LEPR: variants seen among roughly 807,000 people sequenced by gnomAD.
LEPR encodes the protein leptin receptor.
Under a neutral mutation model 114.7 loss-of-function variants are expected in LEPR, and 56 were observed. The ratio of observed to expected loss-of-function variants is 0.49; its 90% confidence interval spans 0.39 to 0.61. The LOEUF (loss-of-function observed/expected upper bound fraction) is 0.61. Among genes scored for constraint, LEPR ranks in the 20% least tolerant of loss-of-function variants. LEPR has a pLI of 0.00. For synonymous variants in LEPR, 443 were observed against 461.4 expected, an observed-to-expected ratio of 0.96 and a Z score of 0.51; for missense variants, 1,202 against 1,352.9, an observed-to-expected ratio of 0.89 and a Z score of 1.75.
chr1:65,580,314 A>G (rs925188217), intron 5 of LEPR, among the ~76,000 whole-genome samples: 2 of 152,242 alleles, frequency 1.3e-5, no homozygotes, highest in African/African-American at 2.4e-5. Flanking sequence ...GAGAAAATCC[A>G]TAATGGTGAT....
intron 6 of LEPR, among the ~76,000 whole-genome samples, chr1:65,595,584 A>G (rs867871777): frequency 5.9e-5 from 9 of 152,258 alleles, no homozygotes; most frequent in Admixed American, 1.3e-4. Flanking sequence ...GATTTTGACT[A>G]AAAGAGGAAA....
intron 15 of LEPR, 60 bp from the exon 16 acceptor site, chr1:65,617,904 G>A: frequency 1.3e-6 from 2 of 1,502,036 alleles, no homozygotes; most frequent in Admixed American, 1.9e-5. Context: ...TTCCTCAAGA[G>A]TATTAGTAGA....
Position 65,570,766 on chromosome 1 carries a change from G to T in LEPR, c.334G>T (p.Val112Phe). The change falls in exon 4 of 20, where the codon GTT (valine) becomes TTT (phenylalanine). Residue 112 changes from valine (V) to phenylalanine (F), a missense_variant. Val to Phe is a conservative substitution (Grantham distance 50). Transcript: ENST00000349533. ...CADNIEGKTFVSTVNSLVFQQ... is the reference protein window; with the variant it reads ...CADNIEGKTFFSTVNSLVFQQ... ...AGACAACATTGAAGGAAAGACATTT[G>T]TTTCAACAGTAAATTCTTTAGTTTT... 1 of 1,572,856 alleles carries T rather than the reference G, an allele frequency of 6.4e-7. No individual in the cohort carries two copies. The highest frequency in any genetic ancestry group is 1.8e-5 in the Admixed American group (1 of 54,270).
At chr1:65,608,318 C>A (rs905126906) in intron 11 of LEPR, among the ~76,000 whole-genome samples, 2 of 151,764 alleles carry the variant, frequency 1.3e-5, no homozygotes, top group African/African-American at 4.8e-5. Flanking sequence ...GCAAGCTTCA[C>A]CTCCCGGGTT....
intron 2 of LEPR, among the ~76,000 whole-genome samples, chr1:65,454,379 G>A (rs1646836626): frequency 1.3e-5 from 2 of 152,090 alleles, no homozygotes; most frequent in East Asian, 1.9e-4. Context: ...TCGTAGTCTC[G>A]ATGGTCTTTA....
intron 2 of LEPR, among the ~76,000 whole-genome samples, chr1:65,545,123 A>G (rs866340845): frequency 0.027 from 4,039 of 149,990 alleles, 149 homozygotes; most frequent in African/African-American, 0.095. Context: ...ATGTCCCTAC[A>G]AAGGACATGA....
At chr1:65,425,267 T>C (rs1646338246) in intron 1 of LEPR, 36 bp from the exon 2 acceptor site, 1 of 1,594,154 alleles carries the variant, frequency 6.3e-7, no homozygotes, top group Non-Finnish European at 8.6e-7. Context: ...CAACCTCTAC[T>C]GTGGGAACTT....
intron 2 of LEPR, among the ~76,000 whole-genome samples, chr1:65,495,271 A>T (rs1336811007): frequency 6.6e-6 from 1 of 152,188 alleles, no homozygotes; most frequent in Non-Finnish European, 1.5e-5. Context: ...AAGAAGATGT[A>T]CAGATGGCCA....
chr1:65,426,103 G>A (rs538912903), intron 2 of LEPR, among the ~76,000 whole-genome samples: 12 of 135,010 alleles, frequency 8.9e-5, no homozygotes, highest in African/African-American at 4.5e-4. Context: ...TGGGAAGACA[G>A]TGGTCAGGGA....
At chr1:65,623,335 A>T (rs571014967) in intron 19 of LEPR, 1 of 165,740 alleles carries the variant, frequency 6.0e-6, no homozygotes, top group African/African-American at 2.4e-5. Context: ...AAAAGGCTGG[A>T]ATCAATATTT....
chr1:65,489,591 CT>C (rs1647759359), intron 2 of LEPR, among the ~76,000 whole-genome samples: 1 of 152,052 alleles, frequency 6.6e-6, no homozygotes, highest in Non-Finnish European at 1.5e-5. Flanking sequence ...TGTTGTTTCT[CT>C]TGCCACATAG....
intron 5 of LEPR, among the ~76,000 whole-genome samples, chr1:65,588,044 C>T (rs941730201): frequency 3.3e-5 from 5 of 151,926 alleles, no homozygotes; most frequent in East Asian, 1.9e-4. Flanking sequence ...AGTGTGGTTT[C>T]GATATGAGGT....
chr1:65,433,539 G>A lies in LEPR; in HGVS notation c.-21+8161G>A, dbSNP rs367947175. On this transcript the variant is annotated intron_variant, in intron 2 of 19. Transcript: ENST00000349533. ...TACATTCAAAACACTTAATCCTTGA[G>A]GCTTGTGATCTGAGTAATTAGCAGG... 25 of 985,398 alleles carry A rather than the reference G, an allele frequency of 2.5e-5. No individual in the cohort carries two copies. In the South Asian group the frequency reaches 3.3e-4, roughly 13 times the overall value. 61.0% of individuals were successfully genotyped at this position (985,398 alleles called of 1,614,324 possible).
At chr1:65,498,320 T>C (rs527741490) in intron 2 of LEPR, among the ~76,000 whole-genome samples, 2 of 152,278 alleles carry the variant, frequency 1.3e-5, no homozygotes, top group East Asian at 3.9e-4. Flanking sequence ...CCCCACTGGC[T>C]AAATAACTGC....
chr1:65,432,162 G>T (rs999621499), intron 2 of LEPR: 3 of 1,150,030 alleles, frequency 2.6e-6, no homozygotes, highest in South Asian at 2.7e-5. Context: ...ATGTAGTCAC[G>T]GTGCTCTCAG....
At chr1:65,518,873 T>TTCTC (rs763024512) in intron 2 of LEPR, among the ~76,000 whole-genome samples, 2 of 117,322 alleles carry the variant, frequency 1.7e-5, no homozygotes, top group East Asian at 4.6e-4. Context: ...CTTTCTTTCT[T>TTCTC]TTTCTTTCTT....
chr1:65,602,268 A>T (rs1656493629), intron 10 of LEPR, among the ~76,000 whole-genome samples: 1 of 152,058 alleles, frequency 6.6e-6, no homozygotes, highest in Admixed American at 6.6e-5. Flanking sequence ...TATATATTTT[A>T]ATTTGACTTA....
intron 5 of LEPR, among the ~76,000 whole-genome samples, chr1:65,582,734 A>G (rs11208677): frequency 0.3 from 45,755 of 151,946 alleles, 7,777 homozygotes; most frequent in East Asian, 0.83. Flanking sequence ...TCTGAGTCCC[A>G]TCTCTTATTG....
chr1:65,615,229 T>C (rs1657456316), intron 14 of LEPR, among the ~76,000 whole-genome samples: 1 of 152,212 alleles, frequency 6.6e-6, no homozygotes, highest in South Asian at 2.1e-4. Flanking sequence ...TAGTCTATGA[T>C]ATACAGTCCA....
Sources: gnomAD v4.1 joint callset for allele counts (sites outside exome capture counted in the v4.1 genomes callset) on GRCh38, gnomAD v4.1.1 for gene constraint, MANE v1.5 for transcripts, NCBI Gene and HGNC (gene_info 2026-07-23, HGNC 2026-07-21) for gene names.